The following MAP3K1 variants were observed in gnomAD, a reference collection of about 807,000 sequenced individuals.
MAP3K1 encodes MAP/ERK kinase kinase 1.
MAP3K1 carries 36 observed loss-of-function variants against 144.2 expected under a neutral mutation model. That is an observed-to-expected ratio of 0.25 (90% CI 0.19 to 0.33). The LOEUF (loss-of-function observed/expected upper bound fraction) is 0.33, where lower values mean the gene tolerates loss of function less well. MAP3K1 is among the 10% of genes least tolerant of loss of function. The pLI is 1.00. For missense variants in MAP3K1, 1,650 were observed against 1,881.9 expected (o/e 0.88, Z 2.28); for synonymous variants, 718 against 688.7 (o/e 1.04, Z -0.67).
intron 1 of MAP3K1, among the ~76,000 whole-genome samples, chr5:56,842,718 G>C (rs1258655459): frequency 1.3e-5 from 2 of 152,146 alleles, no homozygotes; most frequent in Non-Finnish European, 2.9e-5. Flanking sequence ...CCATTTATAG[G>C]AGAATAATGG....
rs1444044453 is a variant in MAP3K1 at position 56,815,869 on chromosome 5, C to T, written c.296C>T (p.Ala99Val). Residue 99 changes from alanine to valine, a missense_variant, in exon 1 of 20, where the codon GCG (alanine) becomes GTG (valine). Coordinates refer to ENST00000399503, the MANE Select transcript of MAP3K1 (RefSeq NM_005921.2). Reference sequence around the variant, plus strand: ...CCGTCGCCGGAGCCCGCGGACGCAGCGGGGAGTGGGACCGGCTTCCAGCCT... The same window carrying T: ...CCGTCGCCGGAGCCCGCGGACGCAGTGGGGAGTGGGACCGGCTTCCAGCCT... The part of the protein sequence containing the change: ...TSPSPEPADA[A>V]GSGTGFQPVA... The T allele has an allele frequency of 3.6e-6, 5 of 1,390,046 alleles. No individual in the cohort carries two copies. The highest frequency in any genetic ancestry group is 1.5e-5 in the South Asian group (1 of 64,942). The allele number at this position is 1,390,046 out of a possible 1,614,324, so 86.1% of individuals were successfully genotyped here.
chr5:56,870,174 C>A (rs1421681379), intron 6 of MAP3K1, among the ~76,000 whole-genome samples: 2 of 152,050 alleles, frequency 1.3e-5, no homozygotes, highest in Admixed American at 6.6e-5. Flanking sequence ...TTGCACCAAC[C>A]TAATAGTTTA....
chr5:56,881,792 A>G lies in MAP3K1; in HGVS notation c.2592A>G (p.Glu864=), dbSNP rs1188502124. ...RRLMAIADEV[E]IAEAIQLGVE... ...TGATGGCTATTGCAGATGAGGTGGA[A>G]ATTGCCGAAGCCATCCAGTTGGGCG... Residue 864 remains glutamate, a synonymous_variant, in exon 14 of 20, where the codon GAA becomes GAG. Transcript: ENST00000399503. 1 of 1,614,026 alleles carries G rather than the reference A, an allele frequency of 6.2e-7. No homozygotes were observed. The highest frequency in any genetic ancestry group is 1.7e-5 in the Admixed American group (1 of 59,986).
chr5:56,824,012 A>AT (rs1746235236), intron 1 of MAP3K1, among the ~76,000 whole-genome samples: 1 of 152,220 alleles, frequency 6.6e-6, no homozygotes, highest in South Asian at 2.1e-4. Flanking sequence ...TAAACTTAAG[A>AT]TATCATTTTT....
At chr5:56,863,319 C>T (rs1176217525) in intron 3 of MAP3K1, among the ~76,000 whole-genome samples, 1 of 152,218 alleles carries the variant, frequency 6.6e-6, no homozygotes, top group South Asian at 2.1e-4. Flanking sequence ...AACAGTCTCT[C>T]CCAACCCTAG....
chr5:56,868,526 AG>A (rs972539820), intron 6 of MAP3K1, among the ~76,000 whole-genome samples: 8 of 152,128 alleles, frequency 5.3e-5, no homozygotes, highest in African/African-American at 1.9e-4. Context: ...CTGGGATTAC[AG>A]GCGCCTGCCA....
chr5:56,823,163 GA>G (rs761232474), intron 1 of MAP3K1, among the ~76,000 whole-genome samples: 3 of 152,260 alleles, frequency 2.0e-5, no homozygotes, highest in South Asian at 2.1e-4. Flanking sequence ...TAAAGACCAG[GA>G]AATCTTTAAC....
In MAP3K1 at chr5:56,815,814, G is replaced by A; in HGVS notation, c.241G>A (p.Ala81Thr). 7.0e-7 allele frequency: 1 copy of A among 1,422,774 alleles called. No individual in the cohort carries two copies. Among genetic ancestry groups the A allele is most frequent in the South Asian group, 1.4e-5 (1 of 71,916 alleles). The allele number at this position is 1,422,774 out of a possible 1,614,324, so 88.1% of individuals were successfully genotyped here. Residue 81 changes from alanine (A) to threonine (T), a missense_variant, in exon 1 of 20, where the codon GCC becomes ACC. Ala to Thr is a moderately conservative substitution (Grantham distance 58). This residue lies in a region of MAP3K1 where 360 missense variants were observed against 274.7 expected (regional missense o/e 1.31). Transcript: ENST00000399503. Reference sequence around the variant, plus strand: ...GCTGCCTGAGCAGCCGCTCTTCCTTGCCGCCTCACCGCCGGCCTCCTCGAC... The same window carrying A: ...GCTGCCTGAGCAGCCGCTCTTCCTTACCGCCTCACCGCCGGCCTCCTCGAC... ...DQLPEQPLFLAASPPASSTSP... is the reference protein window; with the variant it reads ...DQLPEQPLFLTASPPASSTSP...
intron 1 of MAP3K1, among the ~76,000 whole-genome samples, chr5:56,848,478 T>C (rs1747065739): frequency 6.6e-6 from 1 of 152,168 alleles, no homozygotes; most frequent in African/African-American, 2.4e-5. Flanking sequence ...CCATGACATC[T>C]GTTGTTCTGG....
chr5:56,864,750 T>G lies in MAP3K1; in HGVS notation c.851T>G (p.Ile284Ser). 6.2e-7 allele frequency: 1 copy of G among 1,614,020 alleles called. No individual in the cohort carries two copies. The highest frequency in any genetic ancestry group is 8.5e-7 in the Non-Finnish European group (1 of 1,179,990). ...VSPVPFQSGR[I>S]TPPRRAPSPD... ...GTTGTGAAGTTTCAGAGTGGCAGAA[T>G]CACACCACCCCGAAGAGCCCCTTCA... Residue 284 changes from isoleucine (I) to serine (S), a missense_variant, in exon 4 of 20, where the codon ATC becomes AGC. By Grantham distance (142) the Ile-to-Ser change is moderately radical. Coordinates refer to ENST00000399503, the MANE Select transcript of MAP3K1 (RefSeq NM_005921.2).
At chr5:56,885,411 G>A (rs1748350575) in intron 16 of MAP3K1, among the ~76,000 whole-genome samples, 1 of 152,136 alleles carries the variant, frequency 6.6e-6, no homozygotes, top group African/African-American at 2.4e-5. Flanking sequence ...TTATCTGTTG[G>A]TTGGTCTTAA....
intron 6 of MAP3K1, among the ~76,000 whole-genome samples, chr5:56,868,892 G>A (rs1405087287): frequency 2.0e-5 from 3 of 152,094 alleles, no homozygotes; most frequent in African/African-American, 7.2e-5. Flanking sequence ...ACAAAGGAAG[G>A]AAGTGTGCTA....
chr5:56,842,872 A>G (rs548546152), intron 1 of MAP3K1, among the ~76,000 whole-genome samples: 28 of 152,280 alleles, frequency 1.8e-4, no homozygotes, highest in African/African-American at 6.3e-4. Context: ...ACTTCTACCA[A>G]GATTGCACAG....
At position 56,856,689 on chromosome 5, in the gene MAP3K1, C is replaced by CA; in HGVS notation, c.574dup (p.Thr192AsnfsTer16). The CA allele has an allele frequency of 6.2e-7, 1 of 1,613,974 alleles. No homozygotes were observed. The highest frequency in any genetic ancestry group is 8.5e-7 in the Non-Finnish European group (1 of 1,179,916). ...CGAATGATCAGGGAGAAACTGAAGGCAACCTGTATGCCAGCCTGGAAGCAC... is the reference window on the plus strand; with the variant it reads ...CGAATGATCAGGGAGAAACTGAAGGCAAACCTGTATGCCAGCCTGGAAGCAC... On this transcript the variant is annotated frameshift_variant, in exon 2 of 20. Transcript: ENST00000399503. LOFTEE classifies it high-confidence loss of function.
At chr5:56,844,329 G>A (rs1484236926) in intron 1 of MAP3K1, among the ~76,000 whole-genome samples, 3 of 151,176 alleles carry the variant, frequency 2.0e-5, no homozygotes, top group African/African-American at 4.9e-5. Context: ...ACAGGTGCCC[G>A]CCACCATGCC....
At chr5:56,882,929 C>G in intron 14 of MAP3K1, 63 bp downstream of exon 14, 2 of 1,324,846 alleles carry the variant, frequency 1.5e-6, no homozygotes, top group South Asian at 2.4e-5. Context: ...TGACTCATAC[C>G]TGGAATTCCA....
At chr5:56,820,516 T>TA in intron 1 of MAP3K1, 1 of 985,396 alleles carries the variant, frequency 1.0e-6, no homozygotes, top group Non-Finnish European at 1.2e-6. Flanking sequence ...GTATATGTAA[T>TA]ACAAGTAAAC....
intron 1 of MAP3K1, chr5:56,842,280 G>GT (rs1319135641): frequency 2.0e-5 from 3 of 152,330 alleles, no homozygotes; most frequent in Non-Finnish European, 4.4e-5. Context: ...GTTAAAAGAA[G>GT]TTATAATAAC....
chr5:56,860,330 G>C (rs1482938040), intron 3 of MAP3K1, among the ~76,000 whole-genome samples: 2 of 152,146 alleles, frequency 1.3e-5, no homozygotes, highest in Non-Finnish European at 2.9e-5. Flanking sequence ...ACGTGCCTTT[G>C]TAATATTGTG....
Sources: gnomAD v4.1 joint callset for allele counts (sites outside exome capture counted in the v4.1 genomes callset) on GRCh38, gnomAD v4.1.1 for gene constraint, gnomAD v4.1.1 regional missense constraint, MANE v1.5 for transcripts, NCBI Gene and HGNC (gene_info 2026-07-23, HGNC 2026-07-21) for gene names.